Variants in PACRG observed in about 807,000 individuals in gnomAD.
The protein encoded by PACRG is parkin coregulated.
A neutral mutation model predicts 29.7 loss-of-function variants in PACRG; 29 were observed. The ratio of observed to expected loss-of-function variants is 0.98; its 90% CI spans 0.73 to 1.33. The LOEUF is 1.33. Ranked by LOEUF, PACRG falls within the 40% of genes most tolerant of loss-of-function variation. The pLI is 0.00. For synonymous variants in PACRG, 116 were observed against 118.7 expected (o/e 0.98, Z 0.15); for missense variants, 279 against 316.2 (o/e 0.88, Z 0.89).
At chr6:162,876,017 T>C (rs1035755016) in intron 2 of PACRG, among the ~76,000 whole-genome samples, 4 of 152,176 alleles carry the variant, frequency 2.6e-5, no homozygotes, top group Admixed American at 2.6e-4. Flanking sequence ...GAGCCGAAGA[T>C]TACAAAAGGC....
chr6:162,750,156 C>T (rs1392057804), intron 1 of PACRG, among the ~76,000 whole-genome samples: 1 of 152,150 alleles, frequency 6.6e-6, no homozygotes, highest in Non-Finnish European at 1.5e-5. Context: ...TCTGCCTTCA[C>T]TTATTTTCTT....
At chr6:163,102,248 C>T (rs1385785080) in intron 4 of PACRG, among the ~76,000 whole-genome samples, 1 of 152,204 alleles carries the variant, frequency 6.6e-6, no homozygotes, top group South Asian at 2.1e-4. Flanking sequence ...TCTTTAATAA[C>T]CTGACTCTGA....
chr6:162,911,939 C>G (rs1461059802), intron 2 of PACRG, among the ~76,000 whole-genome samples: 1 of 152,146 alleles, frequency 6.6e-6, no homozygotes, highest in African/African-American at 2.4e-5. Context: ...AGAGAGGGAG[C>G]CTGGGAAACA....
At chr6:163,100,294 A>C (rs913084435) in intron 4 of PACRG, among the ~76,000 whole-genome samples, 1 of 152,008 alleles carries the variant, frequency 6.6e-6, no homozygotes, top group African/African-American at 2.4e-5. Context: ...CCACCCGTGC[A>C]CGCTCACCGT....
At chr6:162,850,022 A>G (rs1447421035) in intron 2 of PACRG, among the ~76,000 whole-genome samples, 1 of 152,244 alleles carries the variant, frequency 6.6e-6, no homozygotes, top group East Asian at 1.9e-4. Flanking sequence ...ATAAATGTGC[A>G]TGTGAATAGA....
At chr6:162,962,985 T>C (rs553730939) in intron 2 of PACRG, among the ~76,000 whole-genome samples, 1 of 152,318 alleles carries the variant, frequency 6.6e-6, no homozygotes, top group Non-Finnish European at 1.5e-5. Context: ...AGGGTCACTT[T>C]GAGGGACCAC....
intron 4 of PACRG, among the ~76,000 whole-genome samples, chr6:163,272,984 C>T (rs113214890): frequency 0.015 from 2,111 of 136,806 alleles, 148 homozygotes; most frequent in African/African-American, 0.062. Flanking sequence ...CTCCGCCTCC[C>T]GGGTTCACGC....
chr6:163,252,243 C>T lies in PACRG; in HGVS notation c.614-62584C>T, dbSNP rs116150841. Among the ~76,000 whole-genome samples the T allele has an allele frequency of 8.7e-3, 1,320 of 152,370 alleles. 22 individuals carry two copies. The highest frequency in any genetic ancestry group is 0.031 in the African/African-American group (1,279 of 41,588). The stretch of plus-strand genomic sequence containing the variant: ...CAGCCCCTGCTGCTGTGAGCACGCC[C>T]TCTGCACCCACTGAATATTCCCCAA... On this transcript the variant is annotated intron_variant, in intron 4 of 4. Transcript: ENST00000366888.
intron 1 of PACRG, among the ~76,000 whole-genome samples, chr6:162,732,658 T>C (rs1779859875): frequency 6.6e-6 from 1 of 152,214 alleles, no homozygotes. Context: ...GTACTAATGA[T>C]GAAGGGACCA....
intron 2 of PACRG, among the ~76,000 whole-genome samples, chr6:162,939,146 A>G (rs1317475960): frequency 1.3e-5 from 2 of 152,206 alleles, no homozygotes; most frequent in Non-Finnish European, 1.5e-5. Flanking sequence ...AAGCAAACAA[A>G]AGCATAAAGT....
rs1399132678 is a variant in PACRG, at chr6:162,854,082, C to G, written c.291+39801C>G. ...TACTTCCCACATATTTTGACTTAAACTATAGTTTTTATTTTGTATTTGCCT... is the reference window on the plus strand; with the variant it reads ...TACTTCCCACATATTTTGACTTAAAGTATAGTTTTTATTTTGTATTTGCCT... On this transcript the variant is annotated intron_variant, in intron 2 of 4. Transcript: ENST00000366888. Among the ~76,000 whole-genome samples the G allele has an allele frequency of 2.0e-5, 3 of 151,318 alleles. No individual in the cohort carries two copies. The East Asian group carries it at 5.8e-4, about 29-fold the overall frequency.
chr6:163,106,012 AAC>A (rs1815361249), intron 4 of PACRG, among the ~76,000 whole-genome samples: 1 of 152,136 alleles, frequency 6.6e-6, no homozygotes, highest in South Asian at 2.1e-4. Context: ...AAAAATGGCT[AAC>A]AGTTATTTAG....
At chr6:162,787,106 G>A (rs1473684783) in intron 1 of PACRG, among the ~76,000 whole-genome samples, 1 of 152,092 alleles carries the variant, frequency 6.6e-6, no homozygotes, top group African/African-American at 2.4e-5. Flanking sequence ...TAGCAGAGAA[G>A]TGATTGATAT....
At chr6:163,212,220 G>T (rs758300583) in intron 4 of PACRG, among the ~76,000 whole-genome samples, 2 of 152,152 alleles carry the variant, frequency 1.3e-5, no homozygotes, top group African/African-American at 2.4e-5. Context: ...TGAGATACTG[G>T]CATAAACTCA....
chr6:163,035,618 C>T (rs1430979833), intron 2 of PACRG, among the ~76,000 whole-genome samples: 10 of 151,378 alleles, frequency 6.6e-5, no homozygotes, highest in Admixed American at 5.9e-4. Context: ...TGCACTCCAG[C>T]CTGGGCGACA....
chr6:163,304,302 G>A (rs1204409922), intron 4 of PACRG, among the ~76,000 whole-genome samples: 3 of 152,112 alleles, frequency 2.0e-5, no homozygotes, highest in African/African-American at 7.2e-5. Context: ...GGCACATGGT[G>A]GCCACTACAC....
At chr6:163,000,330 C>T (rs999650552) in intron 2 of PACRG, among the ~76,000 whole-genome samples, 10 of 152,140 alleles carry the variant, frequency 6.6e-5, no homozygotes, top group South Asian at 2.1e-4. Context: ...TCTGTTTTCG[C>T]GCTGGACAGA....
chr6:163,077,884 G>A lies in PACRG; in HGVS notation c.464-11375G>A, dbSNP rs541090974. On this transcript the variant is annotated intron_variant, in intron 3 of 4. Transcript: ENST00000366888. ...CGCCCTGTATGAACAGGGGAATGAG[G>A]AAGGGTGATCCAGCACCCACGATGG... 1.1e-4 allele frequency among the ~76,000 whole-genome samples: 17 copies of A among 152,260 alleles called. No homozygotes were observed. In the South Asian group the frequency reaches 1.2e-3, roughly 11 times the overall value.
rs1414632843 is a variant in PACRG, at chr6:162,777,056, A to T, written c.157-37091A>T. Among the ~76,000 whole-genome samples, 1 of 152,176 alleles carries T rather than the reference A, an allele frequency of 6.6e-6. No homozygotes were observed. The highest frequency in any genetic ancestry group is 6.5e-5 in the Admixed American group (1 of 15,290). ...GAACTTATTCATGTAACCAAACACC[A>T]CCTGCTCCCTAAAAACCTATTGAAA... is the stretch of plus-strand genomic sequence containing the variant. On this transcript the variant is annotated intron_variant, in intron 1 of 4. Transcript: ENST00000366888. This position sits in a 1 kb window ranked among gnomAD's most constrained non-coding sequence, Gnocchi z 4.0.
Sources: allele counts gnomAD v4.1 joint callset (sites outside exome capture counted in the v4.1 genomes callset), GRCh38; gene constraint gnomAD v4.1.1; non-coding constraint Gnocchi (gnomAD v3.1); transcripts MANE v1.5; gene names NCBI Gene and HGNC (gene_info 2026-07-23, HGNC 2026-07-21).